Variants in CCDC138 observed in about 807,000 individuals in gnomAD.
CCDC138 encodes coiled-coil domain-containing protein 138.
CCDC138 carries 66 observed loss-of-function variants against 82.3 expected under a neutral mutation model. The observed-to-expected ratio is 0.80, with a 90% CI of 0.66 to 0.98. CCDC138 has a LOEUF of 0.98. Ranked by LOEUF, CCDC138 falls within the 50% of genes least tolerant of loss-of-function variation. The pLI, the probability that CCDC138 is intolerant of heterozygous loss-of-function variation, is 0.00. For missense variants in CCDC138, 816 were observed against 758.9 expected (o/e 1.08, Z -0.88); for synonymous variants, 297 against 265.4 (o/e 1.12, Z -1.16).
intron 7 of CCDC138, among the ~76,000 whole-genome samples, chr2:108,805,382 C>T (rs1682681021): frequency 6.6e-6 from 1 of 152,060 alleles, no homozygotes; most frequent in South Asian, 2.1e-4. Flanking sequence ...TCACATTGCT[C>T]ATGTTCTCAT....
At chr2:108,864,074 C>A (rs973390576) in intron 13 of CCDC138, among the ~76,000 whole-genome samples, 3 of 152,042 alleles carry the variant, frequency 2.0e-5, no homozygotes, top group Non-Finnish European at 4.4e-5. Context: ...ATGTGTTACA[C>A]TAGTGTGTAA....
At chr2:108,832,665 A>G (rs1687907346) in intron 10 of CCDC138, among the ~76,000 whole-genome samples, 1 of 152,234 alleles carries the variant, frequency 6.6e-6, no homozygotes, top group Non-Finnish European at 1.5e-5. Flanking sequence ...GTATAGGTAA[A>G]TTATATCCTA....
At chr2:108,815,463 T>G (rs1574039631) in intron 9 of CCDC138, among the ~76,000 whole-genome samples, 1 of 121,230 alleles carries the variant, frequency 8.2e-6, no homozygotes, top group Non-Finnish European at 1.6e-5. Flanking sequence ...TTTTTGGTGT[T>G]TTTTTTTTTT....
intron 7 of CCDC138, among the ~76,000 whole-genome samples, chr2:108,806,179 T>C (rs1010173329): frequency 6.6e-6 from 1 of 152,218 alleles, no homozygotes; most frequent in Admixed American, 6.5e-5. Context: ...ATTAGACTTA[T>C]GAATTTGACA....
rs754543103 is a variant in CCDC138 at position 108,873,467 on chromosome 2, C to T, written c.1710C>T (p.Phe570=). ...GTTTTGCAGAATCCTTGCAGCCTTTCCTGGAAGCCTGTAGCAACTCTTTAT... is the reference window on the plus strand; with the variant it reads ...GTTTTGCAGAATCCTTGCAGCCTTTTCTGGAAGCCTGTAGCAACTCTTTAT... ...MTVESKSLQP[F]LEACSNSLFF... Residue 570 remains phenylalanine, a synonymous_variant, in exon 14 of 15, where the codon TTC becomes TTT. Coordinates refer to ENST00000295124, the MANE Select transcript of CCDC138 (RefSeq NM_144978.3). The T allele has an allele frequency of 1.3e-6, 2 of 1,599,428 alleles. No homozygotes were observed. The highest frequency in any genetic ancestry group is 1.7e-6 in the Non-Finnish European group (2 of 1,173,900).
chr2:108,834,736 C>T lies in CCDC138; in HGVS notation c.1207-4449C>T, dbSNP rs1040036188. On this transcript the variant is annotated intron_variant, in intron 10 of 14. Transcript: ENST00000295124. ...TCATTATCTGAAACAATTCTGTACC[C>T]GTTTAACAATATCTTCCCATTCCTC... 2.0e-5 allele frequency among the ~76,000 whole-genome samples: 3 copies of T among 152,296 alleles called. No homozygotes were observed. In the East Asian group the frequency reaches 5.8e-4, roughly 29 times the overall value.
Position 108,839,261 on chromosome 2 carries a change from T to G in CCDC138, c.1283T>G (p.Phe428Cys). 1 of 1,612,892 alleles carries G rather than the reference T, an allele frequency of 6.2e-7. No homozygotes were observed. Among genetic ancestry groups the G allele is most frequent in the Non-Finnish European group, 8.5e-7 (1 of 1,179,358 alleles). Reference protein sequence around the residue: ...NIKLHEPFVKFIYWSLRQLDA... With the variant: ...NIKLHEPFVKCIYWSLRQLDA... The stretch of plus-strand genomic sequence containing the variant: ...AAACTTCACGAGCCTTTTGTAAAAT[T>G]TATATATTGGTCCCTAAGGCAGCTA... The change falls in exon 11 of 15, where the codon TTT becomes TGT. Residue 428 changes from phenylalanine to cysteine, a missense_variant. Physicochemically the swap from Phe to Cys is radical, Grantham distance 205. Transcript: ENST00000295124.
chr2:108,829,745 A>G (rs970358297), intron 10 of CCDC138, among the ~76,000 whole-genome samples: 9 of 152,182 alleles, frequency 5.9e-5, no homozygotes, highest in Non-Finnish European at 1.2e-4. Flanking sequence ...GACTGTGTCA[A>G]TACATACATA....
intron 3 of CCDC138, among the ~76,000 whole-genome samples, chr2:108,791,194 G>A (rs1488308343): frequency 1.3e-5 from 2 of 151,910 alleles, no homozygotes; most frequent in African/African-American, 2.4e-5. Context: ...TATGACTTGT[G>A]TTATATTGCT....
At chr2:108,857,845 A>C (rs1264691814) in intron 13 of CCDC138, among the ~76,000 whole-genome samples, 1 of 152,224 alleles carries the variant, frequency 6.6e-6, no homozygotes, top group Non-Finnish European at 1.5e-5. Context: ...ACCAGATGCA[A>C]ATGTGTATTC....
intron 6 of CCDC138, among the ~76,000 whole-genome samples, chr2:108,800,361 T>A (rs536303820): frequency 6.6e-6 from 1 of 152,158 alleles, no homozygotes; most frequent in South Asian, 2.1e-4. Flanking sequence ...ACTTCCTGGG[T>A]TCAAGCGATT....
downstream of CCDC138, among the ~76,000 whole-genome samples, chr2:108,880,191 TAAAAAAAAAAA>T (rs10714990): frequency 6.8e-6 from 1 of 148,032 alleles, no homozygotes; most frequent in Admixed American, 6.7e-5. Context: ...CAGGGTAACT[TAAAAAAAAAAA>T]ACAACAACAA....
At chr2:108,836,214 T>C (rs1384081435) in intron 10 of CCDC138, among the ~76,000 whole-genome samples, 2 of 152,220 alleles carry the variant, frequency 1.3e-5, no homozygotes, top group East Asian at 3.8e-4. Context: ...TCTGCTTCAA[T>C]GAATTTGACA....
At chr2:108,811,247 C>CTTTTTTTT (rs55661786) in intron 7 of CCDC138, among the ~76,000 whole-genome samples, 2 of 113,908 alleles carry the variant, frequency 1.8e-5, no homozygotes, top group African/African-American at 7.6e-5. Flanking sequence ...TTCTCTCTCT[C>CTTTTTTTT]TTTTTTTTTT....
At position 108,832,347 on chromosome 2, in the gene CCDC138, T is replaced by TC. The variant is rs1265987713; in HGVS notation, c.1207-6838_1207-6837insC. Among the ~76,000 whole-genome samples the TC allele has an allele frequency of 2.7e-5, 4 of 145,654 alleles. No individual in the cohort carries two copies. The South Asian group carries it at 6.5e-4, about 24-fold the overall frequency. On this transcript the variant is annotated intron_variant, in intron 10 of 14. Transcript: ENST00000295124. ...TGGCCAGAATTTGTATTTCTTTCTTTTTTTTTTTTTTTTTTTTGAGACAGA... is the reference window on the plus strand; with the variant it reads ...TGGCCAGAATTTGTATTTCTTTCTTTCTTTTTTTTTTTTTTTTTGAGACAGA...
chr2:108,872,285 A>C (rs142207572), intron 13 of CCDC138, among the ~76,000 whole-genome samples: 146 of 152,228 alleles, frequency 9.6e-4, no homozygotes, highest in African/African-American at 3.3e-3. Context: ...TGTCCTTCTC[A>C]TACGCAGAAT....
intron 10 of CCDC138, among the ~76,000 whole-genome samples, chr2:108,837,313 T>C (rs766451733): frequency 7.9e-5 from 12 of 152,246 alleles, no homozygotes; most frequent in Non-Finnish European, 1.5e-4. Context: ...TTGTCCTTCA[T>C]TTTGTTAAAA....
At chr2:108,832,376 T>C (rs1687852541) in intron 10 of CCDC138, among the ~76,000 whole-genome samples, 1 of 145,800 alleles carries the variant, frequency 6.9e-6, no homozygotes, top group African/African-American at 2.6e-5. Flanking sequence ...AGACAGAGTT[T>C]CACTCTTGTT....
chr2:108,830,147 G>T (rs1687316020), intron 10 of CCDC138, among the ~76,000 whole-genome samples: 1 of 152,142 alleles, frequency 6.6e-6, no homozygotes, highest in East Asian at 1.9e-4. Flanking sequence ...AATGAAATAA[G>T]CTAGACACCA....
Sources: gnomAD v4.1 joint callset for allele counts (sites outside exome capture counted in the v4.1 genomes callset) on GRCh38, gnomAD v4.1.1 for gene constraint, MANE v1.5 for transcripts, NCBI Gene and HGNC (gene_info 2026-07-23, HGNC 2026-07-21) for gene names.